Variants in SLC71A2 observed in about 807,000 individuals in gnomAD.
SLC71A2 encodes the protein solute carrier family 71 member 2, also known as hippocampus abundant transcript-like 1.
chr9:94,454,099 C>T, the SLC71A2 span: 2 of 1,488,972 alleles, frequency 1.3e-6, no homozygotes, highest in East Asian at 2.3e-5. Context: ...TTCTCGTGAA[C>T]TGCCAGACAG....
chr9:94,456,336 A>G, the SLC71A2 span: 1 of 1,612,704 alleles, frequency 6.2e-7, no homozygotes, highest in African/African-American at 1.3e-5. Context: ...CAGATCAGCA[A>G]GGTGAGGTCA....
chr9:94,401,067 TA>T, the SLC71A2 span, among the ~76,000 whole-genome samples: 1 of 152,142 alleles, frequency 6.6e-6, no homozygotes, highest in Non-Finnish European at 1.5e-5. Context: ...CAGTGACACA[TA>T]ATGAACATCT....
the SLC71A2 span, among the ~76,000 whole-genome samples, chr9:94,454,474 TCTC>T: frequency 2.6e-4 from 39 of 152,170 alleles, 1 homozygote; most frequent in Middle Eastern, 0.014. Flanking sequence ...TTCAAGCAGT[TCTC>T]CTGCCTCAGG....
the SLC71A2 span, among the ~76,000 whole-genome samples, chr9:94,399,985 T>C: frequency 6.6e-6 from 1 of 151,948 alleles, no homozygotes. Flanking sequence ...AATTTTGTAT[T>C]TTTAGTAGAG....
chr9:94,458,568 AT>A, the SLC71A2 span: 1 of 1,141,462 alleles, frequency 8.8e-7, no homozygotes, highest in Non-Finnish European at 1.3e-6. Flanking sequence ...ATGTTACTAT[AT>A]TTTATTTGGC....
At chr9:94,446,735 G>C in the SLC71A2 span, 5 of 671,646 alleles carry the variant, frequency 7.4e-6, no homozygotes, top group African/African-American at 5.5e-5. Flanking sequence ...CATCTTAATA[G>C]ATCAAAATAA....
At chr9:94,414,344 A>C in the SLC71A2 span, among the ~76,000 whole-genome samples, 1 of 152,184 alleles carries the variant, frequency 6.6e-6, no homozygotes, top group Non-Finnish European at 1.5e-5. Flanking sequence ...GATAAATAAG[A>C]GGGTGCAAAG....
chr9:94,440,853 ATT>A, the SLC71A2 span: 2 of 459,760 alleles, frequency 4.4e-6, no homozygotes, highest in Non-Finnish European at 7.8e-6. Flanking sequence ...TTTTTGATAT[ATT>A]TAAGTATACA....
At chr9:94,390,692 T>C in the SLC71A2 span, among the ~76,000 whole-genome samples, 1 of 152,356 alleles carries the variant, frequency 6.6e-6, no homozygotes, top group East Asian at 1.9e-4. Flanking sequence ...TGAACATTTA[T>C]GTTTTGAAAT....
At chr9:94,456,261 C>G in the SLC71A2 span, 1 of 1,614,052 alleles carries the variant, frequency 6.2e-7, no homozygotes, top group Non-Finnish European at 8.5e-7. Flanking sequence ...CAGCAGGGAC[C>G]GTGGCTGCCA....
chr9:94,419,688 C>T, the SLC71A2 span, among the ~76,000 whole-genome samples: 1 of 152,112 alleles, frequency 6.6e-6, no homozygotes, highest in Non-Finnish European at 1.5e-5. Context: ...AGTCTTCTCA[C>T]CTCAGCTTCC....
chr9:94,418,846 A>G, the SLC71A2 span, among the ~76,000 whole-genome samples: 2 of 147,234 alleles, frequency 1.4e-5, no homozygotes, highest in Admixed American at 7.0e-5. Flanking sequence ...CTCTTGCCTC[A>G]GTCTCCAAAA....
At chr9:94,443,091 TTG>T in the SLC71A2 span, among the ~76,000 whole-genome samples, 1 of 152,118 alleles carries the variant, frequency 6.6e-6, no homozygotes, top group Non-Finnish European at 1.5e-5. Context: ...CACACAGCTG[TTG>T]TGCTGAGCAG....
the SLC71A2 span, chr9:94,456,381 A>G: frequency 1.3e-6 from 2 of 1,493,754 alleles, no homozygotes; most frequent in South Asian, 1.1e-5. Context: ...TCAACGGGAG[A>G]CCTCCCTGCT....
the SLC71A2 span, among the ~76,000 whole-genome samples, chr9:94,411,066 AT>A: frequency 6.2e-3 from 947 of 152,280 alleles, 8 homozygotes; most frequent in African/African-American, 0.021. Flanking sequence ...AAAAATTATT[AT>A]GCAGTCTTAG....
the SLC71A2 span, among the ~76,000 whole-genome samples, chr9:94,407,644 T>C: frequency 1.3e-5 from 2 of 152,192 alleles, no homozygotes; most frequent in Non-Finnish European, 2.9e-5. Context: ...CCCAAAGTGC[T>C]GGGATTACAG....
the SLC71A2 span, among the ~76,000 whole-genome samples, chr9:94,427,539 T>C: frequency 7.2e-6 from 1 of 137,956 alleles, no homozygotes; most frequent in African/African-American, 2.9e-5. Context: ...GGAATGCAGG[T>C]TTGCATCATT....
the SLC71A2 span, among the ~76,000 whole-genome samples, chr9:94,454,482 C>G: frequency 6.6e-6 from 1 of 152,048 alleles, no homozygotes; most frequent in African/African-American, 2.4e-5. Context: ...GTTCTCCTGC[C>G]TCAGGCTCCT....
At chr9:94,386,083 T>C in the SLC71A2 span, among the ~76,000 whole-genome samples, 14 of 152,258 alleles carry the variant, frequency 9.2e-5, no homozygotes, top group African/African-American at 2.4e-5. Flanking sequence ...TGATAGTAAG[T>C]CTTCCTTCCT....
Sources: gnomAD v4.1 joint callset for allele counts (sites outside exome capture counted in the v4.1 genomes callset) on GRCh38, gnomAD v4.1.1 for gene constraint, MANE v1.5 for transcripts, NCBI Gene and HGNC (gene_info 2026-07-23, HGNC 2026-07-21) for gene names.